Variants in PLEKHA6 observed in about 807,000 individuals in gnomAD.
PLEKHA6 encodes pleckstrin homology domain containing A6, also known as pleckstrin homology domain-containing family A member 6.
Under a neutral mutation model 116.7 loss-of-function variants are expected in PLEKHA6, and 60 were observed. That is an observed-to-expected ratio of 0.51 (90% CI 0.42 to 0.64). The LOEUF (loss-of-function observed/expected upper bound fraction) is 0.64. Ranked by LOEUF, PLEKHA6 falls within the 30% of genes least tolerant of loss-of-function variation. The pLI is 0.00. For synonymous variants in PLEKHA6, 489 were observed against 556.1 expected (o/e 0.88, Z 1.70); for missense variants, 1,338 against 1,422.7 (o/e 0.94, Z 0.96).
At chr1:204,313,977 G>A (rs1292516053) in intron 1 of PLEKHA6, among the ~76,000 whole-genome samples, 3 of 152,168 alleles carry the variant, frequency 2.0e-5, no homozygotes, top group African/African-American at 7.2e-5. Flanking sequence ...CACAACCCCA[G>A]GGGGTACTAT....
chr1:204,263,119 G>A (rs1350910107), intron 6 of PLEKHA6, among the ~76,000 whole-genome samples: 1 of 152,178 alleles, frequency 6.6e-6, no homozygotes, highest in Non-Finnish European at 1.5e-5. Flanking sequence ...TGACAGTCAC[G>A]CTGGGGGACA....
At chr1:204,284,957 C>G (rs956349602) in intron 1 of PLEKHA6, among the ~76,000 whole-genome samples, 7 of 152,162 alleles carry the variant, frequency 4.6e-5, no homozygotes, top group African/African-American at 1.7e-4. Flanking sequence ...TAAGGGAATA[C>G]AATAAATAGC....
At position 204,219,728 on chromosome 1, in the gene PLEKHA6, G is replaced by A. The variant is rs543932751; in HGVS notation, c.*3060C>T. 2 of 152,382 alleles carry A rather than the reference G, an allele frequency of 1.3e-5. No individual in the cohort carries two copies. The highest frequency in any genetic ancestry group is 2.9e-5 in the Non-Finnish European group (2 of 68,076). 9.4% of individuals were successfully genotyped at this position (152,382 alleles called of 1,614,324 possible). A position where few individuals can be genotyped will look rare whatever the true frequency, so the allele number is the denominator to read the frequency against. On this transcript the variant is annotated 3_prime_UTR_variant, in exon 23 of 23. Transcript: ENST00000272203. ...TTCCATCCTGCCCAAATCCTTGCAA[G>A]GCCAGAGACCCTTTCCCCACTTTGA...
intron 1 of PLEKHA6, among the ~76,000 whole-genome samples, chr1:204,287,808 C>T (rs568416700): frequency 5.3e-5 from 8 of 152,220 alleles, no homozygotes; most frequent in Non-Finnish European, 1.2e-4. Context: ...GGAAGACTAG[C>T]AGCTCCAGCT....
chr1:204,322,981 C>T (rs930366254), intron 1 of PLEKHA6, among the ~76,000 whole-genome samples: 1 of 152,244 alleles, frequency 6.6e-6, no homozygotes, highest in African/African-American at 2.4e-5. Context: ...CAAACCTGAC[C>T]TTCCCTTTGC....
intron 5 of PLEKHA6, 46 bp from the exon 6 acceptor site, chr1:204,265,088 AGCGTGT>A: frequency 7.6e-7 from 1 of 1,310,146 alleles, no homozygotes; most frequent in Non-Finnish European, 1.1e-6. Context: ...TGTGTGTGCA[AGCGTGT>A]GCGTGCGCCA....
At chr1:204,241,965 G>A (rs1459967493) in intron 15 of PLEKHA6, 151 bp from the exon 16 acceptor site, 19 of 815,324 alleles carry the variant, frequency 2.3e-5, no homozygotes, top group Non-Finnish European at 2.4e-5. Context: ...CTGGGAGGCG[G>A]ACAGGAATGC....
intron 1 of PLEKHA6, among the ~76,000 whole-genome samples, chr1:204,291,424 G>T (rs752665484): frequency 1.3e-5 from 2 of 152,000 alleles, no homozygotes; most frequent in Non-Finnish European, 2.9e-5. Context: ...TCACTCCTAG[G>T]CATTTACCCA....
At chr1:204,301,385 T>C in intron 1 of PLEKHA6, 1 of 982,520 alleles carries the variant, frequency 1.0e-6, no homozygotes, top group Non-Finnish European at 1.2e-6. Flanking sequence ...GAACAGCTCA[T>C]CAGCCTACAG....
chr1:204,308,902 G>T (rs1671534761), intron 1 of PLEKHA6: 1 of 154,842 alleles, frequency 6.5e-6, no homozygotes, highest in Non-Finnish European at 1.4e-5. Context: ...TGTTAGCCAG[G>T]ATGGTCTCGA....
intron 1 of PLEKHA6, among the ~76,000 whole-genome samples, chr1:204,282,139 T>C (rs952540632): frequency 2.6e-5 from 4 of 151,824 alleles, no homozygotes; most frequent in Non-Finnish European, 1.5e-5. Context: ...CCCTTATTCC[T>C]ATGAGAGGAG....
intron 1 of PLEKHA6, among the ~76,000 whole-genome samples, chr1:204,335,414 GC>G (rs1040509254): frequency 2.6e-5 from 4 of 152,092 alleles, no homozygotes; most frequent in African/African-American, 9.7e-5. Flanking sequence ...GCAGAGAAAG[GC>G]CCTGGAGAAG....
chr1:204,283,691 G>A (rs1668875681), intron 1 of PLEKHA6, among the ~76,000 whole-genome samples: 1 of 152,192 alleles, frequency 6.6e-6, no homozygotes, highest in Admixed American at 6.5e-5. Context: ...AGGGGGAGAT[G>A]CCAGCTTTTC....
rs1053434818 is a variant in PLEKHA6 at position 204,220,723 on chromosome 1, A to G, written c.*2065T>C. 6.6e-6 allele frequency: 1 copy of G among 152,564 alleles called. No homozygotes were observed. Among genetic ancestry groups the G allele is most frequent in the Non-Finnish European group, 1.5e-5 (1 of 68,028 alleles). The allele number at this position is 152,564 out of a possible 1,614,324, so 9.5% of individuals were successfully genotyped here. A position where few individuals can be genotyped will look rare whatever the true frequency, so the allele number is the denominator to read the frequency against. ...TAGGAAAAGATCAGACATCCAAACA[A>G]ATATATTACATATATAGATCTATAA... On this transcript the variant is annotated 3_prime_UTR_variant, in exon 23 of 23. Coordinates refer to ENST00000272203, the MANE Select transcript of PLEKHA6 (RefSeq NM_014935.5).
chr1:204,335,343 C>G (rs1213577145), intron 1 of PLEKHA6, among the ~76,000 whole-genome samples: 2 of 152,078 alleles, frequency 1.3e-5, no homozygotes, highest in Non-Finnish European at 2.9e-5. Context: ...CAGACAACTC[C>G]TCTCAACATA....
intron 18 of PLEKHA6, 37 bp from the exon 19 acceptor site, chr1:204,229,141 C>T: frequency 2.5e-6 from 4 of 1,597,118 alleles, no homozygotes; most frequent in East Asian, 4.5e-5. Context: ...ACCATGGCTA[C>T]CCATGCCTCC....
chr1:204,274,248 A>C (rs1379041494), intron 2 of PLEKHA6, among the ~76,000 whole-genome samples: 1 of 152,178 alleles, frequency 6.6e-6, no homozygotes, highest in African/African-American at 2.4e-5. Flanking sequence ...CATTTATTTT[A>C]AAATCTAGAC....
At chr1:204,235,313 G>T (rs911448708) in intron 17 of PLEKHA6, among the ~76,000 whole-genome samples, 4 of 152,044 alleles carry the variant, frequency 2.6e-5, no homozygotes, top group African/African-American at 9.7e-5. Flanking sequence ...TCATTGAGAG[G>T]CAAGGAGTTT....
At chr1:204,362,957 T>C (rs78363990), upstream of PLEKHA6, among the ~76,000 whole-genome samples, 14,776 of 152,282 alleles carry the variant, frequency 0.097, 880 homozygotes, top group Non-Finnish European at 0.13. Context: ...ATGGGCTTCT[T>C]TGAAGCCCAG....
Sources: gnomAD v4.1 joint callset for allele counts (sites outside exome capture counted in the v4.1 genomes callset) on GRCh38, gnomAD v4.1.1 for gene constraint, MANE v1.5 for transcripts, NCBI Gene and HGNC (gene_info 2026-07-23, HGNC 2026-07-21) for gene names.